MYO3B: variants seen among roughly 807,000 people sequenced by gnomAD.
The protein encoded by MYO3B is myosin-IIIb.
Under a neutral mutation model 174.6 loss-of-function variants are expected in MYO3B, and 156 were observed. The ratio of observed to expected loss-of-function variants is 0.89; its 90% CI spans 0.78 to 1.02. The LOEUF is 1.02. Among genes scored for constraint, MYO3B ranks in the 50% least tolerant of loss-of-function variants. MYO3B has a pLI of 0.00. For missense variants in MYO3B, 1,632 were observed against 1,639.4 expected (o/e 1.00, Z 0.08); for synonymous variants, 563 against 569.1 (o/e 0.99, Z 0.15).
intron 7 of MYO3B, among the ~76,000 whole-genome samples, chr2:170,316,002 G>A (rs1204087496): frequency 6.6e-6 from 1 of 152,154 alleles, no homozygotes; most frequent in Non-Finnish European, 1.5e-5. Flanking sequence ...ACACATGTCT[G>A]GGCTATTTCA....
intron 8 of MYO3B, 143 bp from the exon 9 acceptor site, chr2:170,369,079 T>C (rs1031379567): frequency 1.2e-4 from 70 of 569,054 alleles, no homozygotes; most frequent in Non-Finnish European, 2.0e-4. Context: ...CTGGTACATA[T>C]TAATTAAAGA....
intron 23 of MYO3B, 93 bp from the exon 24 acceptor site, chr2:170,463,275 A>C: frequency 4.1e-4 from 367 of 888,352 alleles, no homozygotes; most frequent in Non-Finnish European, 6.2e-4. Flanking sequence ...CCCCTCAGGT[A>C]TTTGGCCAAA....
At position 170,547,227 on chromosome 2, in the gene MYO3B, G is replaced by A. The variant is rs150864339; in HGVS notation, c.3733+3239G>A. 8.9e-3 allele frequency among the ~76,000 whole-genome samples: 1,355 copies of A among 151,870 alleles called. 34 individuals carry two copies. Among genetic ancestry groups the A allele is most frequent in the African/African-American group, 0.031 (1,280 of 41,366 alleles). On this transcript the variant is annotated intron_variant, in intron 32 of 34. Coordinates refer to ENST00000408978, the MANE Select transcript of MYO3B (RefSeq NM_138995.5). ...CACCTGTAATCCCAGCTACTGGGGA[G>A]GCTGAGGCGGGAGAATGGCGTGAAC...
chr2:170,191,174 G>C (rs185714677), intron 1 of MYO3B, among the ~76,000 whole-genome samples: 1 of 151,506 alleles, frequency 6.6e-6, no homozygotes, highest in Non-Finnish European at 1.5e-5. Flanking sequence ...CTGGTACCCT[G>C]TCCTACCGTG....
intron 7 of MYO3B, among the ~76,000 whole-genome samples, chr2:170,257,838 G>A (rs1309770769): frequency 1.3e-5 from 2 of 151,948 alleles, no homozygotes; most frequent in Non-Finnish European, 2.9e-5. Flanking sequence ...TAAGTTAAAG[G>A]AAAGAGAGAA....
chr2:170,188,957 A>G (rs2092505695), intron 1 of MYO3B, among the ~76,000 whole-genome samples: 1 of 152,160 alleles, frequency 6.6e-6, no homozygotes, highest in African/African-American at 2.4e-5. Context: ...TGTACCTTCA[A>G]ATAATTTATT....
intron 32 of MYO3B, among the ~76,000 whole-genome samples, chr2:170,546,839 C>T (rs1273327163): frequency 2.6e-5 from 4 of 152,126 alleles, no homozygotes; most frequent in Non-Finnish European, 5.9e-5. Context: ...AAAACACTAA[C>T]ATCCAGAAGG....
intron 7 of MYO3B, among the ~76,000 whole-genome samples, chr2:170,290,834 T>A (rs562502667): frequency 5.3e-5 from 8 of 151,836 alleles, no homozygotes; most frequent in Non-Finnish European, 1.0e-4. Flanking sequence ...TTAGTGAATC[T>A]ATTATAGGCA....
chr2:170,479,083 A>G (rs1685511428), intron 25 of MYO3B, among the ~76,000 whole-genome samples: 1 of 150,378 alleles, frequency 6.6e-6, no homozygotes, highest in South Asian at 2.1e-4. Flanking sequence ...CAGGAGTTCA[A>G]GACTAGCCTG....
chr2:170,487,059 G>A (rs915748097), intron 25 of MYO3B, among the ~76,000 whole-genome samples: 2 of 152,228 alleles, frequency 1.3e-5, no homozygotes, highest in Non-Finnish European at 2.9e-5. Context: ...TATGTCTGGA[G>A]TGTGGCCCAG....
chr2:170,424,985 A>G (rs1228404603), intron 22 of MYO3B, among the ~76,000 whole-genome samples: 1 of 152,198 alleles, frequency 6.6e-6, no homozygotes, highest in Non-Finnish European at 1.5e-5. Flanking sequence ...TATTTATTTC[A>G]TATTTCAATA....
chr2:170,445,700 T>A (rs1348667027), intron 23 of MYO3B, among the ~76,000 whole-genome samples: 1 of 152,018 alleles, frequency 6.6e-6, no homozygotes, highest in Non-Finnish European at 1.5e-5. Flanking sequence ...AGTGGCATGA[T>A]CATATCTCAC....
At chr2:170,589,739 G>T (rs1447639005) in intron 32 of MYO3B, among the ~76,000 whole-genome samples, 1 of 152,098 alleles carries the variant, frequency 6.6e-6, no homozygotes, top group Non-Finnish European at 1.5e-5. Flanking sequence ...ATTTATTATT[G>T]AAGAAAGAAA....
chr2:170,213,831 T>C (rs1449629572), intron 3 of MYO3B, among the ~76,000 whole-genome samples: 1 of 152,208 alleles, frequency 6.6e-6, no homozygotes, highest in East Asian at 1.9e-4. Flanking sequence ...CTTCACTCCA[T>C]AAACTTTATC....
chr2:170,318,476 G>A (rs2093791562), intron 7 of MYO3B, among the ~76,000 whole-genome samples: 2 of 152,198 alleles, frequency 1.3e-5, no homozygotes, highest in South Asian at 4.1e-4. Context: ...TCAGGGCTAT[G>A]AGCCAATAGG....
intron 1 of MYO3B, among the ~76,000 whole-genome samples, chr2:170,188,848 T>C (rs1435668876): frequency 6.6e-6 from 1 of 152,202 alleles, no homozygotes; most frequent in Admixed American, 6.5e-5. Flanking sequence ...TTTTGATCAG[T>C]TCATCTTTTA....
intron 32 of MYO3B, among the ~76,000 whole-genome samples, chr2:170,591,472 A>G (rs1047702765): frequency 1.7e-4 from 26 of 152,222 alleles, no homozygotes; most frequent in African/African-American, 6.0e-4. Context: ...ATTTTCTGTG[A>G]AAATGTGAGG....
At chr2:170,540,943 G>A (rs1026987885) in intron 30 of MYO3B, among the ~76,000 whole-genome samples, 12 of 152,126 alleles carry the variant, frequency 7.9e-5, no homozygotes, top group Non-Finnish European at 7.3e-5. Context: ...TGGCTTGTAG[G>A]CTAATCTAGT....
intron 14 of MYO3B, among the ~76,000 whole-genome samples, chr2:170,389,482 A>T (rs2094397797): frequency 6.6e-6 from 1 of 152,174 alleles, no homozygotes; most frequent in Non-Finnish European, 1.5e-5. Flanking sequence ...AGCTACTAAG[A>T]TCTGGGGGTG....
Sources: gnomAD v4.1 joint callset for allele counts (sites outside exome capture counted in the v4.1 genomes callset) on GRCh38, gnomAD v4.1.1 for gene constraint, MANE v1.5 for transcripts, NCBI Gene and HGNC (gene_info 2026-07-23, HGNC 2026-07-21) for gene names.